Variants in SHROOM4 observed in about 807,000 individuals in gnomAD.
SHROOM4 encodes the protein protein Shroom4.
Under a neutral mutation model 80.3 loss-of-function variants are expected in SHROOM4, and 17 were observed. The observed-to-expected ratio is 0.21, with a 90% CI of 0.14 to 0.32. SHROOM4 has a LOEUF of 0.32. Ranked by LOEUF, SHROOM4 falls within the 10% of genes least tolerant of loss-of-function variation. The pLI is 1.00. For synonymous variants in SHROOM4, 400 were observed against 437.5 expected (o/e 0.91, Z 1.07); for missense variants, 993 against 1,140.3 (o/e 0.87, Z 1.86).
chrX:50,695,789 C>T lies in SHROOM4; in HGVS notation c.266G>A (p.Arg89Lys), dbSNP rs148911180. The T allele has an allele frequency of 1.6e-3, 1,925 of 1,210,207 alleles. 6 individuals are homozygous for T. The Middle Eastern group carries it at 0.023, about 14-fold the overall frequency. ...GGAGAATCTCCCTGTACCTTACCTC[C>T]TGACAATCAGCTTGAGAATCCGGAA... ...GSFRILKLIV[R>K]RRNAPVSRPH... is the part of the protein sequence containing the mutation. Residue 89 changes from arginine to lysine, a missense_variant, in exon 2 of 9, where the codon AGG (arginine) becomes AAG (lysine). Coordinates refer to ENST00000376020, the MANE Select transcript of SHROOM4 (RefSeq NM_020717.5).
chrX:50,756,256 C>T (rs1935036478), intron 1 of SHROOM4, among the ~76,000 whole-genome samples: 1 of 111,991 alleles, frequency 8.9e-6, no homozygotes, highest in Non-Finnish European at 1.9e-5. Flanking sequence ...CAATATGTGG[C>T]CTTATGTGTC....
intron 5 of SHROOM4, among the ~76,000 whole-genome samples, chrX:50,622,913 G>C (rs1930633954): frequency 8.9e-6 from 1 of 112,111 alleles, no homozygotes; most frequent in African/African-American, 3.2e-5. Flanking sequence ...CATTTGAACT[G>C]GTGGTTCTGA....
chrX:50,765,969 G>T (rs1310591317), intron 1 of SHROOM4, among the ~76,000 whole-genome samples: 2 of 111,374 alleles, frequency 1.8e-5, no homozygotes, highest in African/African-American at 6.5e-5. Context: ...CCTTCACCTG[G>T]TATGTTTCCT....
intron 6 of SHROOM4, among the ~76,000 whole-genome samples, chrX:50,606,660 C>T (rs1557248600): frequency 9.1e-6 from 1 of 110,267 alleles, no homozygotes; most frequent in Non-Finnish European, 1.9e-5. Context: ...TGAACAAACA[C>T]TGGCAGTCCT....
At chrX:50,614,292 T>C (rs1183118532) in intron 5 of SHROOM4, among the ~76,000 whole-genome samples, 2 of 112,294 alleles carry the variant, frequency 1.8e-5, no homozygotes, top group Admixed American at 1.9e-4. Context: ...TAAATTTGAC[T>C]TCTTAAAACT....
At chrX:50,646,024 C>G in intron 2 of SHROOM4, among the ~76,000 whole-genome samples, 1 of 111,349 alleles carries the variant, frequency 9.0e-6, no homozygotes, top group Non-Finnish European at 1.9e-5. Context: ...AGCCTGGCTC[C>G]CAGCAGACCC....
rs781878531 is a variant in SHROOM4 at position 50,801,261 on chromosome X, G to GGAGAGAGAGAGAGAGAGAGAGA, written c.117+12619_117+12640dup. ...GGAGGGAAGGAGAGAGAGAGAAAGA[G>GGAGAGAGAGAGAGAGAGAGAGA]GAGAGAGAGAGAGAGAGAGAGAGAG... On this transcript the variant is annotated intron_variant, in intron 1 of 8. Transcript: ENST00000376020. 6.9e-3 allele frequency among the ~76,000 whole-genome samples: 561 copies of GGAGAGAGAGAGAGAGAGAGAGA among 81,484 alleles called. 8 individuals carry two copies. The highest frequency in any genetic ancestry group is 0.012 in the African/African-American group (247 of 21,114). The allele number at this position is 81,484 out of a possible 115,157, so 70.8% of individuals were successfully genotyped here.
intron 2 of SHROOM4, among the ~76,000 whole-genome samples, chrX:50,674,154 C>T (rs1488075535): frequency 1.8e-5 from 2 of 110,951 alleles, no homozygotes. Context: ...ATATAGTAAA[C>T]ATGTTAATCC....
chrX:50,699,666 C>T (rs894444916), intron 1 of SHROOM4, among the ~76,000 whole-genome samples: 2 of 111,748 alleles, frequency 1.8e-5, no homozygotes, highest in African/African-American at 6.5e-5. Flanking sequence ...TTCCTGAAGC[C>T]CTATTTTGTG....
chrX:50,587,307 C>G lies in SHROOM4; in HGVS notation c.*9388G>C, dbSNP rs1450516204. Among the ~76,000 whole-genome samples the G allele has an allele frequency of 9.0e-6, 1 of 111,640 alleles. No homozygotes were observed. Among genetic ancestry groups the G allele is most frequent in the Non-Finnish European group, 1.9e-5 (1 of 53,052 alleles). On this transcript the variant is annotated 3_prime_UTR_variant, in exon 9 of 9. Transcript: ENST00000376020. ...GTTGGTGGGAATGTAAATTAGTACC[C>G]CATTTTGGAAAATAGTGTATATTCC...
chrX:50,596,344 T>A lies in SHROOM4; in HGVS notation c.*351A>T, dbSNP rs1314057737. 2.6e-6 allele frequency: 1 copy of A among 379,047 alleles called. No homozygotes were observed. The highest frequency in any genetic ancestry group is 4.9e-6 in the Non-Finnish European group (1 of 202,060). 31.2% of individuals were successfully genotyped at this position (379,047 alleles called of 1,213,427 possible). A position where few individuals can be genotyped will look rare whatever the true frequency, so the allele number is the denominator to read the frequency against. On this transcript the variant is annotated 3_prime_UTR_variant, in exon 9 of 9. Transcript: ENST00000376020. ...GAGCCTTTAGAGGCTGTTGATGATATGGGTGGGTGATGAGTACTTGATGTC... is the reference window on the plus strand; with the variant it reads ...GAGCCTTTAGAGGCTGTTGATGATAAGGGTGGGTGATGAGTACTTGATGTC...
At chrX:50,720,947 A>G (rs1023112027) in intron 1 of SHROOM4, among the ~76,000 whole-genome samples, 3 of 112,038 alleles carry the variant, frequency 2.7e-5, no homozygotes, top group Non-Finnish European at 5.6e-5. Flanking sequence ...AACTAAGGCC[A>G]GATTATAAAG....
At chrX:50,579,342 C>T in the SHROOM4 span, among the ~76,000 whole-genome samples, 10 of 111,743 alleles carry the variant, frequency 8.9e-5, no homozygotes, top group East Asian at 2.3e-3. Context: ...GTGGTTGAAG[C>T]GAAGTAGAAT....
At chrX:50,620,371 C>T (rs1557251766) in intron 5 of SHROOM4, among the ~76,000 whole-genome samples, 1 of 111,919 alleles carries the variant, frequency 8.9e-6, no homozygotes, top group Non-Finnish European at 1.9e-5. Flanking sequence ...CTGTTGATGG[C>T]TATTCTATTT....
chrX:50,708,916 T>G (rs1236226025), intron 1 of SHROOM4, among the ~76,000 whole-genome samples: 1 of 111,721 alleles, frequency 9.0e-6, no homozygotes, highest in African/African-American at 3.3e-5. Flanking sequence ...AGGACTGATA[T>G]AAGCAAGGAG....
intron 2 of SHROOM4, among the ~76,000 whole-genome samples, chrX:50,692,571 A>C (rs1043883102): frequency 2.7e-5 from 3 of 111,703 alleles, no homozygotes; most frequent in Non-Finnish European, 5.6e-5. Flanking sequence ...AGGAAGTTGC[A>C]AACATGGGAA....
chrX:50,728,774 A>G (rs1466789826), intron 1 of SHROOM4, among the ~76,000 whole-genome samples: 1 of 112,352 alleles, frequency 8.9e-6, no homozygotes, highest in Non-Finnish European at 1.9e-5. Flanking sequence ...ACTCAAAGCT[A>G]CAAATACATG....
chrX:50,682,218 T>C (rs973924837), intron 2 of SHROOM4, among the ~76,000 whole-genome samples: 3 of 112,107 alleles, frequency 2.7e-5, no homozygotes, highest in African/African-American at 9.7e-5. Context: ...ATAGCATTTG[T>C]AACTAGTATC....
At chrX:50,586,070 C>G (rs1371540130), downstream of SHROOM4, among the ~76,000 whole-genome samples, 3 of 111,687 alleles carry the variant, frequency 2.7e-5, no homozygotes, top group Non-Finnish European at 5.6e-5. Flanking sequence ...CTAAAGCTTC[C>G]ATATTTGTAA....
Sources: gnomAD v4.1 joint callset for allele counts (sites outside exome capture counted in the v4.1 genomes callset) on GRCh38, gnomAD v4.1.1 for gene constraint, MANE v1.5 for transcripts, NCBI Gene and HGNC (gene_info 2026-07-23, HGNC 2026-07-21) for gene names.